The following BNIP3L variants were observed in gnomAD, a reference collection of about 807,000 sequenced individuals.
BNIP3L encodes the protein BCL2/adenovirus E1B 19 kDa protein-interacting protein 3-like.
BNIP3L carries 10 observed loss-of-function variants against 25.5 expected under a neutral mutation model. That is an observed-to-expected ratio of 0.39 (90% CI 0.24 to 0.67). The LOEUF is 0.67. BNIP3L is among the 30% of genes least tolerant of loss of function. BNIP3L has a pLI of 0.45. For missense variants in BNIP3L, 215 were observed against 270.9 expected (o/e 0.79, Z 1.45); for synonymous variants, 113 against 101.2 (o/e 1.12, Z -0.70).
intron 3 of BNIP3L, among the ~76,000 whole-genome samples, chr8:26,407,510 T>C (rs1489372094): frequency 6.6e-6 from 1 of 151,484 alleles, no homozygotes; most frequent in Non-Finnish European, 1.5e-5. Flanking sequence ...TTTTTTTTAG[T>C]AAAGACGGGG....
rs1159008753 is a variant in BNIP3L at position 26,383,180 on chromosome 8, A to G, written c.50A>G (p.Asn17Ser). The G allele has an allele frequency of 1.9e-6, 3 of 1,612,468 alleles. No homozygotes were observed. Among genetic ancestry groups the G allele is most frequent in the African/African-American group, 2.7e-5 (2 of 74,910 alleles). Residue 17 changes from asparagine to serine, a missense_variant, in exon 1 of 6, where the codon AAC becomes AGC. Physicochemically the swap from Asn to Ser is conservative, Grantham distance 46. Around this residue, in one of 4 missense-constraint regions of BNIP3L, gnomAD observed 69 missense variants for 53.6 expected, o/e 1.29. Transcript: ENST00000380629. Reference sequence around the variant, plus strand: ...CCGCCGCCCCTGCACAACAACAACAACAACTGCGAGGAAAATGAGCAGTCT... The same window carrying G: ...CCGCCGCCCCTGCACAACAACAACAGCAACTGCGAGGAAAATGAGCAGTCT... Reference protein sequence around the residue: ...EPPPPLHNNNNNCEENEQSLP... With the variant: ...EPPPPLHNNNSNCEENEQSLP...
chr8:26,408,482 T>A lies in BNIP3L; in HGVS notation c.611+106T>A, dbSNP rs1806548538. ...AGTTTTTATTGCTTTACTTTCAATG[T>A]TTTAGTGCAAATAAGGTGAACTTAA... On this transcript the variant is annotated intron_variant, in intron 5 of 5. Transcript: ENST00000380629. The A allele has an allele frequency of 2.3e-6, 3 of 1,322,356 alleles. No individual in the cohort carries two copies. In the African/African-American group the frequency reaches 4.4e-5, roughly 19 times the overall value. 81.9% of individuals were successfully genotyped at this position (1,322,356 alleles called of 1,614,324 possible). A position where few individuals can be genotyped will look rare whatever the true frequency, so the allele number is the denominator to read the frequency against.
intron 1 of BNIP3L, among the ~76,000 whole-genome samples, chr8:26,384,136 A>C (rs1441433666): frequency 6.6e-6 from 1 of 152,182 alleles, no homozygotes; most frequent in Non-Finnish European, 1.5e-5. Flanking sequence ...TAGTCGTGAG[A>C]ACCGGGAGCC....
Position 26,395,084 on chromosome 8 carries a change from T to G in BNIP3L, c.285-146T>G, listed in dbSNP as rs1205137021. On this transcript the variant is annotated intron_variant, in intron 2 of 5. Coordinates refer to ENST00000380629, the MANE Select transcript of BNIP3L (RefSeq NM_004331.3). ...TTAGCCTTTTAATATCACATAAATT[T>G]TTCTTGTATAGGGTTATGATATATT... 30 of 622,304 alleles carry G rather than the reference T, an allele frequency of 4.8e-5. No individual in the cohort carries two copies. In the East Asian group the frequency reaches 9.0e-4, roughly 19 times the overall value. The allele number at this position is 622,304 out of a possible 1,614,324, so 38.5% of individuals were successfully genotyped here. A position where few individuals can be genotyped will look rare whatever the true frequency, so the allele number is the denominator to read the frequency against.
intron 1 of BNIP3L, among the ~76,000 whole-genome samples, chr8:26,386,162 G>A (rs866003020): frequency 6.6e-6 from 1 of 152,158 alleles, no homozygotes; most frequent in Non-Finnish European, 1.5e-5. Flanking sequence ...GAATAGTGAA[G>A]TATTTTTGTG....
rs939738827 is a variant in BNIP3L, at chr8:26,411,002, C to G, written c.*590C>G. 8 of 152,124 alleles carry G rather than the reference C, an allele frequency of 5.3e-5. No individual in the cohort carries two copies. The highest frequency in any genetic ancestry group is 1.9e-4 in the African/African-American group (8 of 41,448). 9.4% of individuals were successfully genotyped at this position (152,124 alleles called of 1,614,324 possible). On this transcript the variant is annotated 3_prime_UTR_variant, in exon 6 of 6. Transcript: ENST00000380629. ...AAAATATTTTAAACCAGCTTTGGAG[C>G]CACTTTTTTGTCTAAGCCTCCTAAT... is the stretch of plus-strand genomic sequence containing the variant.
intron 1 of BNIP3L, among the ~76,000 whole-genome samples, chr8:26,386,003 C>T (rs1471807920): frequency 6.6e-6 from 1 of 152,094 alleles, no homozygotes; most frequent in Non-Finnish European, 1.5e-5. Context: ...TAGTACTATC[C>T]AAATTGCTGA....
chr8:26,408,377 G>A lies in BNIP3L; in HGVS notation c.611+1G>A, dbSNP rs766190462. 1 of 1,612,448 alleles carries A rather than the reference G, an allele frequency of 6.2e-7. No individual in the cohort carries two copies. The highest frequency in any genetic ancestry group is 1.7e-5 in the Admixed American group (1 of 59,634). On this transcript the variant is annotated splice_donor_variant, in intron 5 of 5. Coordinates refer to ENST00000380629, the MANE Select transcript of BNIP3L (RefSeq NM_004331.3). LOFTEE classifies it high-confidence loss of function. The stretch of plus-strand genomic sequence containing the variant: ...CTCATGTTTTGGCTTTGGGGCTAGG[G>A]TAAGTACCGGTCAACTCCTGAAGTT...
At chr8:26,401,479 G>C (rs1395060948) in intron 3 of BNIP3L, among the ~76,000 whole-genome samples, 1 of 150,738 alleles carries the variant, frequency 6.6e-6, no homozygotes, top group Non-Finnish European at 1.5e-5. Context: ...TGACGAGTTA[G>C]TGGGTGCAGC....
At chr8:26,392,997 C>T (rs1806149206) in intron 2 of BNIP3L, among the ~76,000 whole-genome samples, 1 of 151,970 alleles carries the variant, frequency 6.6e-6, no homozygotes, top group Non-Finnish European at 1.5e-5. Flanking sequence ...TTTAGGTTGC[C>T]ATGAGGAGGC....
At chr8:26,401,555 T>A (rs1806376871) in intron 3 of BNIP3L, among the ~76,000 whole-genome samples, 1 of 129,592 alleles carries the variant, frequency 7.7e-6, no homozygotes, top group Non-Finnish European at 1.6e-5. Flanking sequence ...ACCCTAAAAC[T>A]TAAATTAAAA....
chr8:26,384,671 G>A (rs987817769), intron 1 of BNIP3L, among the ~76,000 whole-genome samples: 1 of 151,686 alleles, frequency 6.6e-6, no homozygotes, highest in African/African-American at 2.4e-5. Context: ...TTCACAACCG[G>A]CTGGGAGCAA....
At position 26,410,783 on chromosome 8, in the gene BNIP3L, C is replaced by T. The variant is rs879094562; in HGVS notation, c.*371C>T. On this transcript the variant is annotated 3_prime_UTR_variant, in exon 6 of 6. Transcript: ENST00000380629. ...ATTCATGGTATAAATTTTACTCTTGCAACATAACTACCATCTCTCTCTTAA... is the reference window on the plus strand; with the variant it reads ...ATTCATGGTATAAATTTTACTCTTGTAACATAACTACCATCTCTCTCTTAA... 5.7e-6 allele frequency: 1 copy of T among 175,218 alleles called. No homozygotes were observed. The allele number at this position is 175,218 out of a possible 1,614,324, so 10.9% of individuals were successfully genotyped here.
intron 3 of BNIP3L, among the ~76,000 whole-genome samples, chr8:26,401,346 C>T (rs1263526127): frequency 6.8e-6 from 1 of 146,344 alleles, no homozygotes; most frequent in Non-Finnish European, 1.5e-5. Flanking sequence ...TATTCTCACT[C>T]ATAGGTGGGA....
intron 3 of BNIP3L, among the ~76,000 whole-genome samples, chr8:26,398,722 G>T (rs1290871477): frequency 1.9e-4 from 25 of 132,210 alleles, no homozygotes; most frequent in African/African-American, 6.8e-4. Context: ...TTGATAGACC[G>T]CTAGCAAGAC....
intron 3 of BNIP3L, among the ~76,000 whole-genome samples, chr8:26,401,660 C>T (rs1325586410): frequency 6.9e-6 from 1 of 145,248 alleles, no homozygotes; most frequent in Non-Finnish European, 1.5e-5. Context: ...TGTATTAGAA[C>T]TAGACATGAA....
intron 3 of BNIP3L, among the ~76,000 whole-genome samples, chr8:26,406,783 T>C (rs1164838086): frequency 6.6e-6 from 1 of 150,674 alleles, no homozygotes; most frequent in East Asian, 2.0e-4. Context: ...GATTGCACTC[T>C]GGCCTGGGTG....
At chr8:26,401,691 A>G (rs143458833) in intron 3 of BNIP3L, among the ~76,000 whole-genome samples, 1 of 151,842 alleles carries the variant, frequency 6.6e-6, no homozygotes, top group Non-Finnish European at 1.5e-5. Flanking sequence ...TGCATCTGAA[A>G]TCAAAGCAGT....
chr8:26,393,028 C>CT (rs1275986671), intron 2 of BNIP3L, among the ~76,000 whole-genome samples: 1 of 152,016 alleles, frequency 6.6e-6, no homozygotes, highest in Admixed American at 6.5e-5. Flanking sequence ...CTTTTGAACA[C>CT]TTTCGTACCC....
Sources: gnomAD v4.1 joint callset for allele counts (sites outside exome capture counted in the v4.1 genomes callset) on GRCh38, gnomAD v4.1.1 for gene constraint, gnomAD v4.1.1 regional missense constraint, MANE v1.5 for transcripts, NCBI Gene and HGNC (gene_info 2026-07-23, HGNC 2026-07-21) for gene names.